MAP4: variants seen among roughly 807,000 people sequenced by gnomAD.
MAP4 encodes microtubule-associated protein 4.
MAP4 carries 76 observed loss-of-function variants against 170.2 expected under a neutral mutation model. That is an observed-to-expected ratio of 0.45 (90% CI 0.37 to 0.54). MAP4 has a LOEUF of 0.54. MAP4 is among the 20% of genes least tolerant of loss of function. The probability of loss-of-function intolerance (pLI) is 0.00; values close to 1 mark genes in which losing one functional copy is unlikely to be tolerated. For missense variants in MAP4, 2,506 were observed against 2,748.0 expected (o/e 0.91, Z 1.97); for synonymous variants, 909 against 994.5 (o/e 0.91, Z 1.62).
chr3:48,023,636 T>C (rs769480505), intron 1 of MAP4, among the ~76,000 whole-genome samples: 28 of 152,230 alleles, frequency 1.8e-4, no homozygotes, highest in Admixed American at 9.8e-4. Flanking sequence ...TCCCTTCTGC[T>C]AGCAGGCTGC....
chr3:48,052,849 C>T (rs2100128635), intron 1 of MAP4, among the ~76,000 whole-genome samples: 1 of 152,098 alleles, frequency 6.6e-6, no homozygotes, highest in African/African-American at 2.4e-5. Flanking sequence ...CTGTGCACTA[C>T]CCAATGGTTA....
intron 10 of MAP4, among the ~76,000 whole-genome samples, chr3:47,883,202 A>T (rs1403810621): frequency 2.0e-5 from 3 of 152,180 alleles, no homozygotes; most frequent in African/African-American, 7.2e-5. Context: ...TTATGACTTT[A>T]AAAAATTCAT....
intron 1 of MAP4, among the ~76,000 whole-genome samples, chr3:48,009,540 T>C (rs1226669897): frequency 1.3e-5 from 2 of 152,194 alleles, no homozygotes; most frequent in Admixed American, 6.5e-5. Context: ...CTCTCCATCA[T>C]CCTAAAGCAG....
At chr3:47,967,093 T>C (rs2100075565) in intron 3 of MAP4, among the ~76,000 whole-genome samples, 1 of 152,166 alleles carries the variant, frequency 6.6e-6, no homozygotes, top group African/African-American at 2.4e-5. Flanking sequence ...TCCCAGCACT[T>C]TGGGAGGCCG....
chr3:47,887,325 G>C (rs373181474), intron 10 of MAP4, among the ~76,000 whole-genome samples: 2 of 152,224 alleles, frequency 1.3e-5, no homozygotes, highest in African/African-American at 2.4e-5. Flanking sequence ...TGCTGGCCCC[G>C]GGCAATGGGG....
chr3:47,981,958 A>T (rs1326473337), intron 2 of MAP4, among the ~76,000 whole-genome samples: 5 of 152,094 alleles, frequency 3.3e-5, no homozygotes, highest in African/African-American at 1.2e-4. Flanking sequence ...TTTCCAATAA[A>T]ATTCAACTTG....
chr3:47,912,140 T>C lies in MAP4; in HGVS notation c.2281A>G (p.Ile761Val). Residue 761 changes from isoleucine to valine, a missense_variant, in exon 9 of 21, where the codon ATA becomes GTA. Physicochemically the swap from Ile to Val is conservative, Grantham distance 29. Coordinates refer to ENST00000683076, the MANE Select transcript of MAP4 (RefSeq NM_001385682.1). ...QRDLGREAWD[I>V]ESTPIMMKKK... ...TTCATCATTATTGGTGTGCTTTCTATATCCCAGGCCTCCCTGCCAAGATCC... is the reference window on the plus strand; with the variant it reads ...TTCATCATTATTGGTGTGCTTTCTACATCCCAGGCCTCCCTGCCAAGATCC... 1 of 1,536,186 alleles carries C rather than the reference T, an allele frequency of 6.5e-7. No homozygotes were observed. The highest frequency in any genetic ancestry group is 8.7e-7 in the Non-Finnish European group (1 of 1,146,910).
chr3:47,914,950 T>C lies in MAP4; in HGVS notation c.1877-11A>G. On this transcript the variant is annotated splice_polypyrimidine_tract_variant and intron_variant, in intron 7 of 20. Transcript: ENST00000683076. ...TTCCTGTGACGGTTTCTAAAGGTAA[T>C]AACAAAAGCCACACACGTTTCAGAG... The C allele has an allele frequency of 9.3e-6, 15 of 1,613,990 alleles. No homozygotes were observed. Among genetic ancestry groups the C allele is most frequent in the Non-Finnish European group, 1.3e-5 (15 of 1,179,980 alleles).
chr3:47,869,051 T>A (rs930916723), intron 16 of MAP4, among the ~76,000 whole-genome samples, 163 bp downstream of exon 16: 12 of 152,074 alleles, frequency 7.9e-5, no homozygotes. Flanking sequence ...TACAAAAAAT[T>A]TTCTGATGGC....
intron 3 of MAP4, among the ~76,000 whole-genome samples, chr3:47,949,787 AT>A (rs2100062498): frequency 6.6e-6 from 1 of 152,210 alleles, no homozygotes; most frequent in African/African-American, 2.4e-5. Flanking sequence ...GAGGAAGAGG[AT>A]TTCCTCCTGG....
intron 10 of MAP4, among the ~76,000 whole-genome samples, chr3:47,881,046 G>T (rs1360163278): frequency 6.6e-6 from 1 of 151,998 alleles, no homozygotes; most frequent in African/African-American, 2.4e-5. Flanking sequence ...CATATATCTT[G>T]ATGCTCTGTT....
At chr3:48,011,112 T>C (rs1229824911) in intron 1 of MAP4, among the ~76,000 whole-genome samples, 1 of 152,222 alleles carries the variant, frequency 6.6e-6, no homozygotes, top group Non-Finnish European at 1.5e-5. Context: ...GACAGAGCTG[T>C]TGTCCACAGC....
intron 3 of MAP4, among the ~76,000 whole-genome samples, chr3:47,968,852 A>G (rs2100076702): frequency 6.6e-6 from 1 of 152,164 alleles, no homozygotes; most frequent in African/African-American, 2.4e-5. Context: ...AACTACATTT[A>G]TGAAGAAAAA....
rs116287102 is a variant in MAP4, at chr3:48,024,333, A to T, written c.-19-25454T>A. 1.7e-3 allele frequency among the ~76,000 whole-genome samples: 253 copies of T among 152,190 alleles called. 3 individuals are homozygous for T. The highest frequency in any genetic ancestry group is 5.9e-3 in the African/African-American group (246 of 41,530). ...TTTAAAAAAAATAATAAATAAAAAA[A>T]TTTTAAAAATGTACAAAATGAAAGG... On this transcript the variant is annotated intron_variant, in intron 1 of 18. Coordinates refer to the MAP4 transcript ENST00000360240.
intron 10 of MAP4, among the ~76,000 whole-genome samples, chr3:47,881,471 T>TATATATAC (rs1385795317): frequency 4.3e-5 from 4 of 93,208 alleles, no homozygotes; most frequent in Non-Finnish European, 8.8e-5. Context: ...TATATATATA[T>TATATATAC]ATATATATAT....
chr3:48,045,505 CCTGATGATCTT>C (rs2100124014), intron 1 of MAP4, among the ~76,000 whole-genome samples: 1 of 152,002 alleles, frequency 6.6e-6, no homozygotes, highest in Admixed American at 6.6e-5. Flanking sequence ...GAATCCAATG[CCTGATGATCTT>C]CTGAGGTGGA....
rs575746115 is a variant in MAP4 at position 47,883,453 on chromosome 3, G to A, written c.5435-5930C>T. Among the ~76,000 whole-genome samples the A allele has an allele frequency of 2.6e-5, 4 of 152,176 alleles. No homozygotes were observed. The South Asian group carries it at 8.3e-4, about 32-fold the overall frequency. ...TTGGTCAGGCTGGTCTCGAACTCCC[G>A]ACCTCAGATGATCCACCCGCCTTGG... On this transcript the variant is annotated intron_variant, in intron 10 of 20. Transcript: ENST00000683076.
chr3:47,898,368 G>A (rs1375316612), intron 10 of MAP4, among the ~76,000 whole-genome samples: 1 of 152,044 alleles, frequency 6.6e-6, no homozygotes, highest in African/African-American at 2.4e-5. Flanking sequence ...TGGGCGTGGT[G>A]GCACGCACCT....
In MAP4 at chr3:47,909,041, C is replaced by A. The variant is rs1423113585; in HGVS notation, c.5380G>T (p.Ala1794Ser). The A allele has an allele frequency of 5.6e-6, 9 of 1,611,858 alleles. No individual in the cohort carries two copies. Among genetic ancestry groups the A allele is most frequent in the Non-Finnish European group, 7.6e-6 (9 of 1,178,926 alleles). The stretch of plus-strand genomic sequence containing the variant: ...TTTCCCCATGGCAGGTTCATACCAG[C>A]GGACTTCAGTTGCTTATGTCTCTCT... ...EQERHKQLKS[A>S]VCLSSSTVYQ... is the part of the protein sequence containing the mutation. Residue 1794 changes from alanine to serine, a missense_variant, in exon 9 of 21, where the codon GCT becomes TCT. By Grantham distance (99) the Ala-to-Ser change is moderately conservative. Transcript: ENST00000683076.
Sources: allele counts gnomAD v4.1 joint callset (sites outside exome capture counted in the v4.1 genomes callset), GRCh38; gene constraint gnomAD v4.1.1; transcripts MANE v1.5; gene names NCBI Gene and HGNC (gene_info 2026-07-23, HGNC 2026-07-21).